PHLPP1: variants seen among roughly 807,000 people sequenced by gnomAD.
PHLPP1 encodes PH domain and leucine rich repeat protein phosphatase 1.
In PHLPP1, 42 loss-of-function variants were observed where a neutral mutation model predicts 117.2. That is an observed-to-expected ratio of 0.36 (90% CI 0.28 to 0.46). The LOEUF (loss-of-function observed/expected upper bound fraction) is 0.46, where lower values mean the gene tolerates loss of function less well. PHLPP1 is among the 20% of genes least tolerant of loss of function. The probability of loss-of-function intolerance (pLI) is 1.00; values close to 1 mark genes in which losing one functional copy is unlikely to be tolerated. For missense variants in PHLPP1, 2,084 were observed against 2,241.9 expected, an observed-to-expected ratio of 0.93 and a Z score of 1.42; for synonymous variants, 1,042 against 970.7, an observed-to-expected ratio of 1.07 and a Z score of -1.37.
chr18:62,849,818 A>ATATAT (rs1915281396), intron 3 of PHLPP1, among the ~76,000 whole-genome samples: 1 of 45,006 alleles, frequency 2.2e-5, no homozygotes, highest in African/African-American at 9.0e-5. Context: ...AAAAAAAAAA[A>ATATAT]AAAAAAAAAA....
chr18:62,894,975 C>A, intron 4 of PHLPP1, 36 bp from the exon 5 acceptor site: 1 of 1,510,482 alleles, frequency 6.6e-7, no homozygotes, highest in Non-Finnish European at 9.0e-7. Flanking sequence ...TGACATTTGT[C>A]TCTTTTTTCC....
Position 62,972,591 on chromosome 18 carries a change from G to A in PHLPP1, c.3638G>A (p.Arg1213Gln), listed in dbSNP as rs1269322420. ...EALYGVFDGD[R>Q]NVEVPYLLQC... ...CTGTATGGTGTGTTTGACGGAGACCGGAATGTGGAGGTGCCCTACCTTCTC... is the reference window on the plus strand; with the variant it reads ...CTGTATGGTGTGTTTGACGGAGACCAGAATGTGGAGGTGCCCTACCTTCTC... The change falls in exon 15 of 17, where the codon CGG (arginine) becomes CAG (glutamine). Residue 1213 changes from arginine (R) to glutamine (Q), a missense_variant. Arg to Gln is a conservative substitution (Grantham distance 43). Coordinates refer to ENST00000262719, the MANE Select transcript of PHLPP1 (RefSeq NM_194449.4). 8 of 1,613,788 alleles carry A rather than the reference G, an allele frequency of 5.0e-6. No individual in the cohort carries two copies. Among genetic ancestry groups the A allele is most frequent in the East Asian group, 4.5e-5 (2 of 44,896 alleles).
intron 10 of PHLPP1, among the ~76,000 whole-genome samples, chr18:62,928,122 T>C (rs992412346): frequency 2.4e-4 from 37 of 152,168 alleles, no homozygotes; most frequent in African/African-American, 8.9e-4. Context: ...CCAAGTCTCC[T>C]TTAAGATCTA....
At chr18:62,800,546 T>C (rs1913748413) in intron 1 of PHLPP1, among the ~76,000 whole-genome samples, 1 of 152,074 alleles carries the variant, frequency 6.6e-6, no homozygotes, top group East Asian at 1.9e-4. Flanking sequence ...TTTCATTATA[T>C]GCAGTTAAAA....
intron 8 of PHLPP1, 53 bp from the exon 9 acceptor site, chr18:62,914,860 G>T: frequency 7.9e-7 from 1 of 1,271,024 alleles, no homozygotes; most frequent in South Asian, 1.3e-5. Flanking sequence ...TTTGAGTTTA[G>T]AACCACATTT....
At chr18:62,801,519 C>T (rs1391259675) in intron 1 of PHLPP1, among the ~76,000 whole-genome samples, 3 of 152,098 alleles carry the variant, frequency 2.0e-5, no homozygotes, top group African/African-American at 4.8e-5. Flanking sequence ...ATGGCGTGAT[C>T]TTGGCTTACT....
intron 1 of PHLPP1, among the ~76,000 whole-genome samples, chr18:62,809,185 CTG>C (rs1914042466): frequency 6.6e-6 from 1 of 152,120 alleles, no homozygotes; most frequent in Non-Finnish European, 1.5e-5. Context: ...AAAAAAATAA[CTG>C]AATGTTCTAT....
At chr18:62,813,819 C>A (rs1270186204) in intron 1 of PHLPP1, among the ~76,000 whole-genome samples, 1 of 152,164 alleles carries the variant, frequency 6.6e-6, no homozygotes, top group Admixed American at 6.5e-5. Context: ...CTTTCCCTTT[C>A]AGCATTTTAA....
At chr18:62,828,432 G>T (rs1236227521) in intron 1 of PHLPP1, among the ~76,000 whole-genome samples, 1 of 152,186 alleles carries the variant, frequency 6.6e-6, no homozygotes, top group East Asian at 1.9e-4. Flanking sequence ...TCCAGTGAGA[G>T]CTCTAACAGT....
chr18:62,938,045 G>A (rs1346129158), intron 10 of PHLPP1, among the ~76,000 whole-genome samples: 1 of 151,958 alleles, frequency 6.6e-6, no homozygotes, highest in Non-Finnish European at 1.5e-5. Context: ...AAAGGTCTGT[G>A]GTGTCTGTGG....
rs148659135 is a variant in PHLPP1 at position 62,902,146 on chromosome 18, C to T, written c.2445-818C>T. On this transcript the variant is annotated intron_variant, in intron 6 of 16. Coordinates refer to ENST00000262719, the MANE Select transcript of PHLPP1 (RefSeq NM_194449.4). Reference sequence around the variant, plus strand: ...TACTACTTATTTTCTGATAGTTCATCCACAGCAACTTCAGTCAGTTAGCTC... The same window carrying T: ...TACTACTTATTTTCTGATAGTTCATTCACAGCAACTTCAGTCAGTTAGCTC... 4.4e-3 allele frequency among the ~76,000 whole-genome samples: 668 copies of T among 152,224 alleles called. 3 individuals carry two copies. The highest frequency in any genetic ancestry group is 7.0e-3 in the Non-Finnish European group (475 of 68,026).
chr18:62,877,458 G>A (rs1021214539), intron 4 of PHLPP1, among the ~76,000 whole-genome samples: 7 of 152,234 alleles, frequency 4.6e-5, no homozygotes, highest in Admixed American at 2.0e-4. Flanking sequence ...AGGCAAGCCA[G>A]CTGCAGACTG....
chr18:62,938,103 T>C (rs1363972156), intron 10 of PHLPP1, among the ~76,000 whole-genome samples: 3 of 152,220 alleles, frequency 2.0e-5, no homozygotes, highest in African/African-American at 7.2e-5. Flanking sequence ...CATATGTTAC[T>C]GCTTTTTCTC....
rs202166166 is a variant in PHLPP1, at chr18:62,875,059, A to C, written c.2066+14458A>C. On this transcript the variant is annotated intron_variant, in intron 4 of 16. Transcript: ENST00000262719. ...AACTTCCGCCTCCCGGGTTCAAGCG[A>C]TTCTCATGCCTCAGCCTCCCGAGTA... is the stretch of plus-strand genomic sequence containing the variant. Among the ~76,000 whole-genome samples the C allele has an allele frequency of 3.7e-4, 57 of 152,262 alleles. 1 individual carries two copies. In the East Asian group the frequency reaches 9.8e-3, roughly 26 times the overall value.
intron 1 of PHLPP1, among the ~76,000 whole-genome samples, chr18:62,798,750 G>C (rs1459726590): frequency 6.6e-6 from 1 of 151,840 alleles, no homozygotes; most frequent in Non-Finnish European, 1.5e-5. Context: ...TGAGCTGTCT[G>C]GGTGGTCACT....
chr18:62,864,354 T>C (rs1915716123), intron 4 of PHLPP1, among the ~76,000 whole-genome samples: 1 of 152,190 alleles, frequency 6.6e-6, no homozygotes, highest in Admixed American at 6.5e-5. Flanking sequence ...TCTTTAATCC[T>C]AAGGGTTGTA....
intron 12 of PHLPP1, among the ~76,000 whole-genome samples, chr18:62,955,367 AG>A (rs1254095239): frequency 6.6e-6 from 1 of 152,206 alleles, no homozygotes; most frequent in African/African-American, 2.4e-5. Context: ...CTGGAGTGTG[AG>A]CAGGTGGAGT....
In PHLPP1 at chr18:62,715,626, G is replaced by T; in HGVS notation, c.-58G>T. The T allele has an allele frequency of 1.7e-6, 2 of 1,160,552 alleles. No homozygotes were observed. The highest frequency in any genetic ancestry group is 3.5e-5 in the South Asian group (1 of 28,710). The allele number at this position is 1,160,552 out of a possible 1,614,324, so 71.9% of individuals were successfully genotyped here. ...CGCCGTCTCCCACCTCCGCCTCATCGCCTCCCTCTCCGCCCGCTGCCTCCG... is the reference window on the plus strand; with the variant it reads ...CGCCGTCTCCCACCTCCGCCTCATCTCCTCCCTCTCCGCCCGCTGCCTCCG... On this transcript the variant is annotated 5_prime_UTR_variant, in exon 1 of 17. Coordinates refer to ENST00000262719, the MANE Select transcript of PHLPP1 (RefSeq NM_194449.4).
At chr18:62,847,525 C>T (rs971700561) in intron 3 of PHLPP1, among the ~76,000 whole-genome samples, 2 of 152,060 alleles carry the variant, frequency 1.3e-5, no homozygotes, top group African/African-American at 2.4e-5. Flanking sequence ...AAAATAACTT[C>T]TAGGGCTCAA....
Sources: gnomAD v4.1 joint callset for allele counts (sites outside exome capture counted in the v4.1 genomes callset) on GRCh38, gnomAD v4.1.1 for gene constraint, MANE v1.5 for transcripts, NCBI Gene and HGNC (gene_info 2026-07-23, HGNC 2026-07-21) for gene names.